Variants in TRIM33 observed in about 807,000 individuals in gnomAD.
The protein encoded by TRIM33 is E3 ubiquitin-protein ligase TRIM33.
Under a neutral mutation model 125.4 loss-of-function variants are expected in TRIM33, and 20 were observed. That is an observed-to-expected ratio of 0.16 (90% CI 0.11 to 0.23). TRIM33 has a LOEUF of 0.23. Among genes scored for constraint, TRIM33 ranks in the 10% least tolerant of loss-of-function variants. The probability of loss-of-function intolerance (pLI) is 1.00; values close to 1 mark genes in which losing one functional copy is unlikely to be tolerated. For synonymous variants in TRIM33, 564 were observed against 513.9 expected (o/e 1.10, Z -1.32); for missense variants, 920 against 1,411.4 (o/e 0.65, Z 5.58).
chr1:114,452,577 T>G (rs994868925), intron 4 of TRIM33, among the ~76,000 whole-genome samples: 11 of 152,060 alleles, frequency 7.2e-5, no homozygotes, highest in Non-Finnish European at 1.2e-4. Context: ...AAAATATAAA[T>G]TATCACAATT....
At chr1:114,465,298 G>A (rs1386149202) in intron 1 of TRIM33, among the ~76,000 whole-genome samples, 1 of 152,112 alleles carries the variant, frequency 6.6e-6, no homozygotes, top group Non-Finnish European at 1.5e-5. Context: ...CTGACTACAT[G>A]TCAGCCATGA....
chr1:114,496,587 T>C (rs1245083277), intron 1 of TRIM33, among the ~76,000 whole-genome samples: 1 of 152,216 alleles, frequency 6.6e-6, no homozygotes, highest in African/African-American at 2.4e-5. Context: ...GGTATTTACA[T>C]AATGAAAGAA....
At position 114,424,635 on chromosome 1, in the gene TRIM33, T is replaced by C; in HGVS notation, c.1816A>G (p.Ser606Gly). Residue 606 changes from serine (S) to glycine (G), a missense_variant, in exon 10 of 20, where the codon AGC becomes GGC. Transcript: ENST00000358465. ...AARIPGIPRH[S>G]GPQYSMMQPH... The stretch of plus-strand genomic sequence containing the variant: ...TGCATCATGGAATATTGAGGGCCGC[T>C]GTGCCTGGGTATCCCTGGTATTCTG... 3 of 1,609,658 alleles carry C rather than the reference T, an allele frequency of 1.9e-6. No homozygotes were observed. The highest frequency in any genetic ancestry group is 2.5e-6 in the Non-Finnish European group (3 of 1,178,068).
intron 4 of TRIM33, among the ~76,000 whole-genome samples, chr1:114,454,423 T>C (rs1190828723): frequency 6.6e-6 from 1 of 152,098 alleles, no homozygotes; most frequent in East Asian, 1.9e-4. Flanking sequence ...TGGTGGCTCA[T>C]GCCTATATAC....
intron 1 of TRIM33, among the ~76,000 whole-genome samples, chr1:114,486,382 G>A (rs563851584): frequency 5.9e-5 from 9 of 151,692 alleles, no homozygotes; most frequent in Admixed American, 1.3e-4. Flanking sequence ...ATACACTTTG[G>A]AAATGGAGAC....
In TRIM33 at chr1:114,511,190, C is replaced by T. The variant is rs888941742; in HGVS notation, c.-114G>A. 30 of 979,790 alleles carry T rather than the reference C, an allele frequency of 3.1e-5. No homozygotes were observed. In the African/African-American group the frequency reaches 4.9e-4, roughly 16 times the overall value. 60.7% of individuals were successfully genotyped at this position (979,790 alleles called of 1,614,324 possible). On this transcript the variant is annotated 5_prime_UTR_variant, in exon 1 of 20. Coordinates refer to ENST00000358465, the MANE Select transcript of TRIM33 (RefSeq NM_015906.4). ...AGCAAGAGCGGCAGCCGAGAGCTAG[C>T]GAGAGAGCGAACCAACGAGAGCGCG...
At position 114,433,655 on chromosome 1, in the gene TRIM33, C is replaced by A. The variant is rs1179020292; in HGVS notation, c.1002G>T (p.Lys334Asn). 3 of 1,612,236 alleles carry A rather than the reference C, an allele frequency of 1.9e-6. No individual in the cohort carries two copies. Among genetic ancestry groups the A allele is most frequent in the Non-Finnish European group, 2.5e-6 (3 of 1,179,164 alleles). The stretch of plus-strand genomic sequence containing the variant: ...GAGTAGCTGCAAAATGAACATAATT[C>A]TTCTTCTCAAGAAGTTTCGCCAGTA... ...ENLLAKLLEK[K>N]NYVHFAATQV... Residue 334 changes from lysine (K) to asparagine (N), a missense_variant, in exon 5 of 20, where the codon AAG (lysine) becomes AAT (asparagine). By Grantham distance (94) the Lys-to-Asn change is moderately conservative. Coordinates refer to ENST00000358465, the MANE Select transcript of TRIM33 (RefSeq NM_015906.4).
intron 11 of TRIM33, among the ~76,000 whole-genome samples, chr1:114,420,103 C>T (rs1199974094): frequency 2.6e-5 from 4 of 152,128 alleles, no homozygotes; most frequent in African/African-American, 7.2e-5. Context: ...TTCAGTATAA[C>T]GCTGGCAGAT....
chr1:114,414,590 T>C (rs988318916), intron 11 of TRIM33, among the ~76,000 whole-genome samples: 5 of 152,206 alleles, frequency 3.3e-5, no homozygotes, highest in African/African-American at 1.2e-4. Flanking sequence ...CTAAGTTTTA[T>C]TGGGTTCTCC....
intron 1 of TRIM33, among the ~76,000 whole-genome samples, chr1:114,493,583 C>T (rs889273669): frequency 6.6e-6 from 1 of 152,166 alleles, no homozygotes; most frequent in Non-Finnish European, 1.5e-5. Flanking sequence ...CCATGCCCAG[C>T]CTGTTGATAT....
intron 1 of TRIM33, among the ~76,000 whole-genome samples, chr1:114,490,236 T>C (rs1264993303): frequency 3.3e-5 from 5 of 152,034 alleles, no homozygotes; most frequent in Non-Finnish European, 7.4e-5. Flanking sequence ...GACAAAAGTC[T>C]GAACAGACAT....
intron 4 of TRIM33, among the ~76,000 whole-genome samples, chr1:114,442,759 T>G (rs1648734819): frequency 6.9e-6 from 1 of 145,788 alleles, no homozygotes; most frequent in African/African-American, 2.5e-5. Context: ...ACTAAAAAAG[T>G]GAGTTTCAGC....
At chr1:114,421,736 C>T (rs1653299782) in intron 10 of TRIM33, 100 bp from the exon 11 acceptor site, 4 of 1,145,594 alleles carry the variant, frequency 3.5e-6, no homozygotes, top group Non-Finnish European at 5.1e-6. Context: ...ACAGAAGAAA[C>T]AAAGAAGTGG....
intron 4 of TRIM33, among the ~76,000 whole-genome samples, chr1:114,444,575 A>C (rs578107369): frequency 6.6e-6 from 1 of 152,362 alleles, no homozygotes; most frequent in African/African-American, 2.4e-5. Context: ...CTAAGAAACA[A>C]GGTTCAGAAA....
intron 1 of TRIM33, among the ~76,000 whole-genome samples, chr1:114,485,541 C>A (rs1049405454): frequency 6.6e-6 from 1 of 152,186 alleles, no homozygotes; most frequent in Non-Finnish European, 1.5e-5. Flanking sequence ...ATCACAAGGG[C>A]TCAGTGGAAC....
intron 11 of TRIM33, among the ~76,000 whole-genome samples, chr1:114,414,044 C>G (rs1283466209): frequency 6.6e-6 from 1 of 150,542 alleles, no homozygotes; most frequent in African/African-American, 2.5e-5. Context: ...CACACACACA[C>G]ACACACACAC....
chr1:114,432,005 G>A (rs1420781075), intron 5 of TRIM33, among the ~76,000 whole-genome samples: 1 of 152,200 alleles, frequency 6.6e-6, no homozygotes, highest in African/African-American at 2.4e-5. Flanking sequence ...TAAGTCTACT[G>A]TATGTTCAGT....
intron 1 of TRIM33, among the ~76,000 whole-genome samples, chr1:114,489,523 C>T (rs72990804): frequency 0.063 from 9,583 of 152,058 alleles, 327 homozygotes; most frequent in African/African-American, 0.086. Flanking sequence ...GCAAGAGGAT[C>T]GCTTGGACCC....
chr1:114,408,234 G>A (rs1372060239), intron 13 of TRIM33, among the ~76,000 whole-genome samples: 1 of 152,128 alleles, frequency 6.6e-6, no homozygotes, highest in Non-Finnish European at 1.5e-5. Flanking sequence ...AACTGATAGT[G>A]ATGTAAACAA....
Sources: allele counts gnomAD v4.1 joint callset (sites outside exome capture counted in the v4.1 genomes callset), GRCh38; gene constraint gnomAD v4.1.1; transcripts MANE v1.5; gene names NCBI Gene and HGNC (gene_info 2026-07-23, HGNC 2026-07-21).